The following NBPF12 variants were observed in gnomAD, a reference collection of about 807,000 sequenced individuals.
NBPF12 encodes the protein NBPF member 12.
A neutral mutation model predicts 146.4 loss-of-function variants in NBPF12; 115 were observed. The observed-to-expected ratio is 0.79, with a 90% CI of 0.68 to 0.92. NBPF12 has a LOEUF of 0.92. Ranked by LOEUF, NBPF12 falls within the 40% of genes least tolerant of loss-of-function variation. The pLI, the probability that NBPF12 is intolerant of heterozygous loss-of-function variation, is 0.00. For missense variants in NBPF12, 1,205 were observed against 1,326.8 expected (o/e 0.91, Z 1.43); for synonymous variants, 385 against 508.9 (o/e 0.76, Z 3.28).
At chr1:146,944,299 G>A (rs1309716448) in intron 2 of NBPF12, among the ~76,000 whole-genome samples, 5,991 of 138,982 alleles carry the variant, frequency 0.043, 541 homozygotes, top group African/African-American at 0.15. Flanking sequence ...ACTACCCCAC[G>A]GAACCCACCA....
chr1:146,966,138 A>C (rs1656191861), intron 8 of NBPF12, among the ~76,000 whole-genome samples: 1 of 151,870 alleles, frequency 6.6e-6, no homozygotes, highest in Non-Finnish European at 1.5e-5. Context: ...AAAAGAAAAA[A>C]ATTAAAAAAG....
intron 31 of NBPF12, 146 bp from the exon 35 acceptor site, chr1:146,992,566 A>T: frequency 1.6e-6 from 1 of 625,956 alleles, no homozygotes; most frequent in Non-Finnish European, 2.8e-6. Context: ...CTGTCCCAAC[A>T]TGAAGGCAAT....
At chr1:146,972,419 G>A (rs1328489261) in intron 13 of NBPF12, among the ~76,000 whole-genome samples, 1 of 145,224 alleles carries the variant, frequency 6.9e-6, no homozygotes, top group South Asian at 2.1e-4. Flanking sequence ...AACCAAAAAA[G>A]AAAAAAATTA....
In NBPF12 at chr1:146,989,657, A is replaced by G. The variant is rs1209689498; in HGVS notation, c.3482A>G (p.Tyr1161Cys). 5 of 1,611,900 alleles carry G rather than the reference A, an allele frequency of 3.1e-6. No homozygotes were observed. The African/African-American group carries it at 6.7e-5, about 22-fold the overall frequency. The stretch of plus-strand genomic sequence containing the variant: ...AGATGGTATTCGACTCCTTCAGTTT[A>G]TCTTGGACTGACTGACCCATGCCAG... The change falls in exon 28 of 34, where the codon TAT becomes TGT. Residue 1161 changes from tyrosine to cysteine, a missense_variant. Physicochemically the swap from Tyr to Cys is radical, Grantham distance 194. This residue lies in a region of NBPF12 where 16 missense variants were observed against 71.9 expected (regional missense o/e 0.22). Coordinates refer to ENST00000617844, the Ensembl canonical transcript of NBPF12.
rs1260075296 is a variant in NBPF12 at position 146,939,983 on chromosome 1, T to TAA, written c.-822+1014_-822+1015dup. On this transcript the variant is annotated intron_variant, in intron 1 of 35. Coordinates refer to the NBPF12 transcript ENST00000617931. ...CTGGGTGACAGAGCGAGACTCCCTC[T>TAA]AAAAAAAAAAAAAAGCCTTTTCTTG... 3.5e-3 allele frequency among the ~76,000 whole-genome samples: 482 copies of TAA among 139,010 alleles called. 1 individual carries two copies. Among genetic ancestry groups the TAA allele is most frequent in the African/African-American group, 0.012 (457 of 36,908 alleles). The allele number at this position is 139,010 out of a possible 152,430, so 91.2% of individuals were successfully genotyped here. A position where few individuals can be genotyped will look rare whatever the true frequency, so the allele number is the denominator to read the frequency against.
chr1:146,992,460 CTCTGTGTGTGTGTGTGTGTG>C (rs1407826489), intron 31 of NBPF12, among the ~76,000 whole-genome samples: 5 of 88,922 alleles, frequency 5.6e-5, no homozygotes, highest in African/African-American at 1.6e-4. Context: ...CTCTCTCTCT[CTCTGTGTGTGTGTGTGTGTG>C]TGTGTGTGTG....
chr1:146,981,212 G>T (rs1169646393), intron 19 of NBPF12, among the ~76,000 whole-genome samples: 1,737 of 136,398 alleles, frequency 0.013, 26 homozygotes, highest in Non-Finnish European at 0.02. Context: ...GCACACCAAT[G>T]TGGACATGTA....
exon 22 of NBPF12, chr1:146,984,843 G>C: frequency 6.4e-7 from 1 of 1,550,624 alleles, no homozygotes; most frequent in South Asian, 1.1e-5. Context: ...CTGAGAAAGA[G>C]CCTGAAGTCT....
In NBPF12 at chr1:146,959,175, A is replaced by G. The variant is rs1311538573; in HGVS notation, c.-183-684A>G. ...AAACAAATTAGTGGCATATATTCCCACCTGAGTAAAGAGAAGTCGGCCGTG... is the reference window on the plus strand; with the variant it reads ...AAACAAATTAGTGGCATATATTCCCGCCTGAGTAAAGAGAAGTCGGCCGTG... On this transcript the variant is annotated intron_variant, in intron 2 of 33. Coordinates refer to ENST00000617844, the Ensembl canonical transcript of NBPF12. Among the ~76,000 whole-genome samples the G allele has an allele frequency of 7.8e-5, 8 of 103,106 alleles. 3 individuals are homozygous for G. Among genetic ancestry groups the G allele is most frequent in the Non-Finnish European group, 1.2e-4 (6 of 49,902 alleles). 67.6% of individuals were successfully genotyped at this position (103,106 alleles called of 152,430 possible).
intron 10 of NBPF12, among the ~76,000 whole-genome samples, chr1:146,968,911 C>T (rs1553885998): frequency 2.6e-5 from 4 of 151,332 alleles, no homozygotes; most frequent in Admixed American, 1.3e-4. Context: ...TGACTGACTG[C>T]GGCTTCTCAT....
chr1:146,961,010 G>T (rs1189465349), intron 4 of NBPF12, among the ~76,000 whole-genome samples: 1 of 152,082 alleles, frequency 6.6e-6, no homozygotes, highest in Non-Finnish European at 1.5e-5. Flanking sequence ...GATGGGCGTC[G>T]TGGCGGGCAA....
upstream of NBPF12, among the ~76,000 whole-genome samples, chr1:146,946,502 G>A (rs1356596309): frequency 9.2e-6 from 1 of 109,046 alleles, no homozygotes; most frequent in Non-Finnish European, 1.8e-5. Flanking sequence ...GAGGTGTTCA[G>A]ATCTTTCACC....
exon 14 of NBPF12, chr1:146,972,863 C>A: frequency 1.6e-6 from 2 of 1,227,452 alleles, no homozygotes; most frequent in Non-Finnish European, 2.4e-6. Flanking sequence ...AGTTGCGCCC[C>A]CAGCTGGCAG....
exon 34 of NBPF12, chr1:146,995,182 A>G (rs3930301): frequency 7.8e-6 from 1 of 128,924 alleles, no homozygotes; most frequent in Non-Finnish European, 1.6e-5. Flanking sequence ...ATGGACAAAC[A>G]GCATTGGGAG....
At chr1:146,973,194 T>C (rs1243135985) in intron 14 of NBPF12, among the ~76,000 whole-genome samples, 7 of 102,336 alleles carry the variant, frequency 6.8e-5, no homozygotes, top group Admixed American at 3.6e-4. Flanking sequence ...CTGCCATTTA[T>C]TGATTTCTGA....
chr1:146,958,013 ATAAAT>A lies in NBPF12; in HGVS notation c.-183-1845_-183-1841del, dbSNP rs1655680790. 1.7e-5 allele frequency among the ~76,000 whole-genome samples: 2 copies of A among 121,204 alleles called. 1 individual carries two copies. Among genetic ancestry groups the A allele is most frequent in the Non-Finnish European group, 3.5e-5 (2 of 56,478 alleles). 79.5% of individuals were successfully genotyped at this position (121,204 alleles called of 152,430 possible). A position where few individuals can be genotyped will look rare whatever the true frequency, so the allele number is the denominator to read the frequency against. ...TATATATATATATACATGTGTATAT[ATAAAT>A]AATACATATACACGTGTATATATAT... On this transcript the variant is annotated intron_variant, in intron 2 of 33. Transcript: ENST00000617844.
Position 146,942,378 on chromosome 1 carries a change from ATTG to A in NBPF12, c.-821-910_-821-908del, listed in dbSNP as rs1382290642. On this transcript the variant is annotated intron_variant, in intron 1 of 35. Coordinates refer to the NBPF12 transcript ENST00000617931. ...ATTATTTGTAAATATAGTATTCATT[ATTG>A]TTATTATTTTTTTTGTATGTGTTCA... 5.3e-3 allele frequency among the ~76,000 whole-genome samples: 797 copies of A among 151,506 alleles called. 4 individuals are homozygous for A. The highest frequency in any genetic ancestry group is 9.3e-3 in the Non-Finnish European group (630 of 67,980).
In NBPF12 at chr1:146,951,434, A is replaced by AG. The variant is rs1559516972; in HGVS notation, c.-238dup. ...TAAGATTTACTGGTTGGGAATCCAA[A>AG]GTTAATGCCAAGAAGCAGCTGCCAG... On this transcript the variant is annotated 5_prime_UTR_variant, in exon 2 of 34. It introduces an in-frame stop codon into an upstream open reading frame of the 5' UTR. Coordinates refer to ENST00000617844, the Ensembl canonical transcript of NBPF12. 6 of 674,508 alleles carry AG rather than the reference A, an allele frequency of 8.9e-6. No individual in the cohort carries two copies. Among genetic ancestry groups the AG allele is most frequent in the Non-Finnish European group, 1.6e-5 (6 of 375,616 alleles). The allele number at this position is 674,508 out of a possible 1,614,324, so 41.8% of individuals were successfully genotyped here.
At chr1:146,961,246 T>C (rs1206335310) in intron 4 of NBPF12, among the ~76,000 whole-genome samples, 2 of 151,816 alleles carry the variant, frequency 1.3e-5, no homozygotes, top group Non-Finnish European at 2.9e-5. Flanking sequence ...CAGGCTCTTG[T>C]TCCTAAAGAG....
Sources: allele counts gnomAD v4.1 joint callset (sites outside exome capture counted in the v4.1 genomes callset), GRCh38; gene constraint gnomAD v4.1.1; regional missense constraint gnomAD v4.1.1; transcripts MANE v1.5; gene names NCBI Gene and HGNC (gene_info 2026-07-23, HGNC 2026-07-21).